The following SLC22A2 variants were observed in gnomAD, a reference collection of about 807,000 sequenced individuals.
SLC22A2 encodes the protein solute carrier family 22 member 2.
Under a neutral mutation model 60.5 loss-of-function variants are expected in SLC22A2, and 46 were observed. The observed-to-expected ratio is 0.76, with a 90% CI of 0.60 to 0.97. The LOEUF (loss-of-function observed/expected upper bound fraction) is 0.97, where lower values mean the gene tolerates loss of function less well. Ranked by LOEUF, SLC22A2 falls within the 50% of genes least tolerant of loss-of-function variation. The probability of loss-of-function intolerance (pLI) is 0.00; values close to 1 mark genes in which losing one functional copy is unlikely to be tolerated. For synonymous variants in SLC22A2, 303 were observed against 267.0 expected (o/e 1.13, Z -1.31); for missense variants, 701 against 706.6 (o/e 0.99, Z 0.09).
intron 7 of SLC22A2, among the ~76,000 whole-genome samples, chr6:160,243,248 C>T (rs546228392): frequency 1.5e-4 from 23 of 152,226 alleles, no homozygotes; most frequent in African/African-American, 5.1e-4. Context: ...CCAGTTAACA[C>T]CCAGGAAGGG....
At position 160,229,176 on chromosome 6, in the gene SLC22A2, C is replaced by T. The variant is rs577730525; in HGVS notation, c.1502-4372G>A. On this transcript the variant is annotated intron_variant, in intron 9 of 10. Transcript: ENST00000366953. ...TCCTCAGACTAACCAGCCCAAGGAACATCTCACCAATTTTAAATCTGGTAA... is the reference window on the plus strand; with the variant it reads ...TCCTCAGACTAACCAGCCCAAGGAATATCTCACCAATTTTAAATCTGGTAA... 3.9e-5 allele frequency among the ~76,000 whole-genome samples: 6 copies of T among 152,040 alleles called. 1 individual carries two copies. In the East Asian group the frequency reaches 5.8e-4, roughly 15 times the overall value.
At chr6:160,223,642 G>A (rs1262143596) in intron 10 of SLC22A2, among the ~76,000 whole-genome samples, 1 of 152,124 alleles carries the variant, frequency 6.6e-6, no homozygotes, top group Non-Finnish European at 1.5e-5. Context: ...GACTAGTCCT[G>A]TACATATATC....
chr6:160,250,711 A>G lies in SLC22A2; in HGVS notation c.519-9T>C, dbSNP rs753606657. 1 of 1,612,044 alleles carries G rather than the reference A, an allele frequency of 6.2e-7. No individual in the cohort carries two copies. Among genetic ancestry groups the G allele is most frequent in the Non-Finnish European group, 8.5e-7 (1 of 1,178,498 alleles). On this transcript the variant is annotated splice_polypyrimidine_tract_variant and intron_variant, in intron 2 of 10. Coordinates refer to ENST00000366953, the MANE Select transcript of SLC22A2 (RefSeq NM_003058.4). ...AGAGCTTACGGCCAAACCTGCAGGA[A>G]GAAAAACAAAGAGAGGGAATTGAAT... is the stretch of plus-strand genomic sequence containing the variant.
chr6:160,234,311 G>A (rs746428075), intron 9 of SLC22A2, among the ~76,000 whole-genome samples: 13 of 152,130 alleles, frequency 8.5e-5, no homozygotes, highest in South Asian at 2.1e-4. Context: ...CTCTTCACAC[G>A]GACACGAGTG....
intron 10 of SLC22A2, among the ~76,000 whole-genome samples, chr6:160,219,423 T>TAAC (rs1782609341): frequency 6.9e-6 from 1 of 144,784 alleles, no homozygotes; most frequent in South Asian, 2.4e-4. Flanking sequence ...GAGTGACTAC[T>TAAC]AACTAAATAC....
intron 2 of SLC22A2, among the ~76,000 whole-genome samples, chr6:160,251,179 A>G (rs1783180367): frequency 6.6e-6 from 1 of 152,164 alleles, no homozygotes. Context: ...CAGTGCTTTT[A>G]GGCTTTGTGA....
intron 4 of SLC22A2, 115 bp downstream of exon 4, chr6:160,249,101 T>A (rs1358955747): frequency 1.5e-6 from 1 of 684,804 alleles, no homozygotes; most frequent in East Asian, 3.0e-5. Flanking sequence ...GTGAAATGGG[T>A]CTGGAGAGTG....
chr6:160,242,172 G>C, intron 8 of SLC22A2, 122 bp downstream of exon 8: 1 of 709,524 alleles, frequency 1.4e-6, no homozygotes, highest in East Asian at 2.6e-5. Flanking sequence ...ACCTTTACGT[G>C]TTCTCACCTT....
chr6:160,232,469 C>T (rs1782840108), intron 9 of SLC22A2, among the ~76,000 whole-genome samples: 7 of 151,810 alleles, frequency 4.6e-5, no homozygotes, highest in Admixed American at 4.6e-4. Flanking sequence ...GACTACAAAT[C>T]AATATTAATA....
intron 10 of SLC22A2, among the ~76,000 whole-genome samples, chr6:160,220,156 G>C (rs777763971): frequency 2.0e-5 from 3 of 152,214 alleles, no homozygotes; most frequent in Non-Finnish European, 4.4e-5. Context: ...AAACCCTGAT[G>C]CTGTTTTGTT....
At chr6:160,219,646 C>T (rs1029116338) in intron 10 of SLC22A2, among the ~76,000 whole-genome samples, 3 of 151,294 alleles carry the variant, frequency 2.0e-5, no homozygotes, top group African/African-American at 7.3e-5. Context: ...AATAATAACG[C>T]CTATTTCATA....
rs1407085526 is a variant in SLC22A2, at chr6:160,241,422, G to A, written c.1501+52C>T. On this transcript the variant is annotated intron_variant, in intron 9 of 10. Transcript: ENST00000366953. Reference sequence around the variant, plus strand: ...TTGAATGAAGTAGAAGAGAAGTGAAGGTCTCTAGAAAAATAAGTTTTCACT... The same window carrying A: ...TTGAATGAAGTAGAAGAGAAGTGAAAGTCTCTAGAAAAATAAGTTTTCACT... 6 of 1,135,036 alleles carry A rather than the reference G, an allele frequency of 5.3e-6. No individual in the cohort carries two copies. The African/African-American group carries it at 9.2e-5, about 17-fold the overall frequency. 70.3% of individuals were successfully genotyped at this position (1,135,036 alleles called of 1,614,324 possible).
At chr6:160,247,384 G>T in intron 4 of SLC22A2, 86 bp from the exon 5 acceptor site, 1 of 763,740 alleles carries the variant, frequency 1.3e-6, no homozygotes. Flanking sequence ...TTTCTCTGAG[G>T]ATGTTAATAC....
intron 9 of SLC22A2, among the ~76,000 whole-genome samples, chr6:160,226,973 GAT>G (rs1199925454): frequency 6.6e-6 from 1 of 152,016 alleles, no homozygotes; most frequent in African/African-American, 2.4e-5. Flanking sequence ...GTAGCAATAA[GAT>G]AGCAAATTCC....
chr6:160,232,134 C>T (rs1004059032), intron 9 of SLC22A2, among the ~76,000 whole-genome samples: 2 of 151,904 alleles, frequency 1.3e-5, no homozygotes, highest in Non-Finnish European at 2.9e-5. Context: ...AGTTGAGTCT[C>T]CCACAATTAC....
chr6:160,218,846 A>G (rs1782587353), intron 10 of SLC22A2, among the ~76,000 whole-genome samples: 1 of 29,044 alleles, frequency 3.4e-5, no homozygotes, highest in South Asian at 1.1e-3. Context: ...AAGAGCAACA[A>G]CAGCAGCAAC....
rs1459837851 is a variant in SLC22A2, at chr6:160,224,786, G to C, written c.1520C>G (p.Ala507Gly). The C allele has an allele frequency of 6.3e-7, 1 of 1,596,898 alleles. No homozygotes were observed. Among genetic ancestry groups the C allele is most frequent in the East Asian group, 2.3e-5 (1 of 44,324 alleles). Reference sequence around the variant, plus strand: ...TGGAAGCAACAGCACCAGACCTCCAGCAACCAAGCCAAGCACGCCTGAAAG... The same window carrying C: ...TGGAAGCAACAGCACCAGACCTCCACCAACCAAGCCAAGCACGCCTGAAAG... The part of the protein sequence containing the change: ...LMVFGVLGLV[A>G]GGLVLLLPET... The change falls in exon 10 of 11, where the codon GCT becomes GGT. Residue 507 changes from alanine to glycine, a missense_variant. Physicochemically the swap from Ala to Gly is moderately conservative, Grantham distance 60. Coordinates refer to ENST00000366953, the MANE Select transcript of SLC22A2 (RefSeq NM_003058.4).
intron 10 of SLC22A2, among the ~76,000 whole-genome samples, chr6:160,224,001 A>T (rs984107914): frequency 3.9e-5 from 6 of 152,170 alleles, no homozygotes; most frequent in African/African-American, 1.2e-4. Flanking sequence ...AAGTGCTGGG[A>T]TTAGAAGCAT....
chr6:160,247,947 T>A (rs1672131249), intron 4 of SLC22A2, among the ~76,000 whole-genome samples: 1 of 152,018 alleles, frequency 6.6e-6, no homozygotes, highest in Non-Finnish European at 1.5e-5. Flanking sequence ...ATGGTGTAAA[T>A]GTAGGAAGGC....
Sources: gnomAD v4.1 joint callset for allele counts (sites outside exome capture counted in the v4.1 genomes callset) on GRCh38, gnomAD v4.1.1 for gene constraint, MANE v1.5 for transcripts, NCBI Gene and HGNC (gene_info 2026-07-23, HGNC 2026-07-21) for gene names.